The following CEP135 variants were observed in gnomAD, a reference collection of about 807,000 sequenced individuals.
CEP135 encodes the protein centrosomal protein of 135 kDa.
In CEP135, 142 loss-of-function variants were observed where a neutral mutation model predicts 157.3. The ratio of observed to expected loss-of-function variants is 0.90; its 90% CI spans 0.79 to 1.04. The LOEUF is 1.04. CEP135 is among the 50% of genes least tolerant of loss of function. The probability of loss-of-function intolerance (pLI) is 0.00; values close to 1 mark genes in which losing one functional copy is unlikely to be tolerated. For missense variants in CEP135, 1,317 were observed against 1,309.2 expected, an observed-to-expected ratio of 1.01 and a Z score of -0.09; for synonymous variants, 396 against 439.8, an observed-to-expected ratio of 0.90 and a Z score of 1.25.
At chr4:55,952,429 C>T in intron 2 of CEP135, 186 bp downstream of exon 2, 1 of 529,300 alleles carries the variant, frequency 1.9e-6, no homozygotes, top group Non-Finnish European at 3.4e-6. Context: ...AAGGCCACCA[C>T]TCACGCTGTA....
chr4:56,026,536 G>A (rs1731165150), intron 25 of CEP135, among the ~76,000 whole-genome samples: 2 of 152,266 alleles, frequency 1.3e-5, no homozygotes, highest in African/African-American at 4.8e-5. Flanking sequence ...TTGTTGCTGT[G>A]TATGGAATGC....
In CEP135 at chr4:56,031,720, C is replaced by T. The variant is rs1164124214; in HGVS notation, c.*372C>T. 6.6e-6 allele frequency: 1 copy of T among 151,938 alleles called. No homozygotes were observed. The highest frequency in any genetic ancestry group is 2.4e-5 in the African/African-American group (1 of 41,382). The allele number at this position is 151,938 out of a possible 1,614,324, so 9.4% of individuals were successfully genotyped here. A position where few individuals can be genotyped will look rare whatever the true frequency, so the allele number is the denominator to read the frequency against. On this transcript the variant is annotated 3_prime_UTR_variant, in exon 26 of 26. Transcript: ENST00000257287. ...GCCATGATATGTGTATGTAAATATT[C>T]TTACAGTACTTGTTTTTAGTTGTCA...
chr4:55,980,165 A>G lies in CEP135; in HGVS notation c.1496A>G (p.His499Arg), dbSNP rs1460943425. The G allele has an allele frequency of 6.2e-7, 1 of 1,609,390 alleles. No individual in the cohort carries two copies. Among genetic ancestry groups the G allele is most frequent in the Non-Finnish European group, 8.5e-7 (1 of 1,178,158 alleles). Reference sequence around the variant, plus strand: ...CAGGGTGATTACAATTCAGAAATTCATCAGATCACAAGAGAAAGAGATGAA... The same window carrying G: ...CAGGGTGATTACAATTCAGAAATTCGTCAGATCACAAGAGAAAGAGATGAA... ...PEKGDYNSEI[H>R]QITRERDELQ... Residue 499 changes from histidine (H) to arginine (R), a missense_variant, in exon 12 of 26, where the codon CAT (histidine) becomes CGT (arginine). His to Arg is a conservative substitution (Grantham distance 29). Coordinates refer to ENST00000257287, the MANE Select transcript of CEP135 (RefSeq NM_025009.5).
chr4:56,025,280 T>C (rs35856649), intron 25 of CEP135, among the ~76,000 whole-genome samples: 3 of 152,188 alleles, frequency 2.0e-5, no homozygotes, highest in African/African-American at 7.2e-5. Context: ...CATTTTATCG[T>C]ATATAAATTA....
At chr4:55,960,601 G>A (rs1190142832) in intron 6 of CEP135, 1 of 152,122 alleles carries the variant, frequency 6.6e-6, no homozygotes, top group Non-Finnish European at 1.5e-5. Context: ...TCTTTAAAGT[G>A]TTTTGAAGAT....
chr4:55,963,222 C>T (rs1016131670), intron 6 of CEP135, among the ~76,000 whole-genome samples: 3 of 152,136 alleles, frequency 2.0e-5, no homozygotes, highest in African/African-American at 4.8e-5. Context: ...GTTTCTTATG[C>T]ATTTCTGCAT....
In CEP135 at chr4:55,968,796, A is replaced by G. The variant is rs188004877; in HGVS notation, c.1045-267A>G. Among the ~76,000 whole-genome samples the G allele has an allele frequency of 5.3e-4, 80 of 152,286 alleles. 1 individual carries two copies. The South Asian group carries it at 9.5e-3, about 18-fold the overall frequency. Reference sequence around the variant, plus strand: ...AATGACAGTGCCATAGAATTACCCCAAAATTTAAGGCCCAAGGAAGATCCT... The same window carrying G: ...AATGACAGTGCCATAGAATTACCCCGAAATTTAAGGCCCAAGGAAGATCCT... On this transcript the variant is annotated intron_variant, in intron 8 of 25. Transcript: ENST00000257287.
chr4:55,982,102 C>T (rs971720841), intron 13 of CEP135, among the ~76,000 whole-genome samples: 2 of 152,110 alleles, frequency 1.3e-5, no homozygotes, highest in Non-Finnish European at 2.9e-5. Context: ...AGCACATTAG[C>T]GTCACTCCCC....
chr4:55,978,189 T>TAA (rs1729286429), intron 11 of CEP135, among the ~76,000 whole-genome samples: 1 of 152,154 alleles, frequency 6.6e-6, no homozygotes, highest in Non-Finnish European at 1.5e-5. Flanking sequence ...TTTTACTGGG[T>TAA]AAACTCATGT....
intron 15 of CEP135, among the ~76,000 whole-genome samples, chr4:55,993,348 G>C (rs373242418): frequency 6.6e-6 from 1 of 152,170 alleles, no homozygotes; most frequent in East Asian, 1.9e-4. Flanking sequence ...AGTTCATAAG[G>C]GTTCTCTGAT....
rs766370342 is a variant in CEP135 at position 56,011,472 on chromosome 4, C to G, written c.2566C>G (p.His856Asp). The G allele has an allele frequency of 4.3e-6, 7 of 1,611,380 alleles. No individual in the cohort carries two copies. The highest frequency in any genetic ancestry group is 5.9e-6 in the Non-Finnish European group (7 of 1,179,330). Residue 856 changes from histidine (H) to aspartate (D), a missense_variant, in exon 20 of 26, where the codon CAT (histidine) becomes GAT (aspartate). Physicochemically the swap from His to Asp is moderately conservative, Grantham distance 81. Coordinates refer to ENST00000257287, the MANE Select transcript of CEP135 (RefSeq NM_025009.5). Reference sequence around the variant, plus strand: ...AAAAGAAGAAATGAAGAGCAGAGTTCATAAATACATAACAGAGGTGTCACG... The same window carrying G: ...AAAAGAAGAAATGAAGAGCAGAGTTGATAAATACATAACAGAGGTGTCACG... ...QEKEEMKSRV[H>D]KYITEVSRWE...
Position 56,017,656 on chromosome 4 carries a change from T to G in CEP135, c.2811T>G (p.Asn937Lys), listed in dbSNP as rs1350843806. Residue 937 changes from asparagine (N) to lysine (K), a missense_variant, in exon 22 of 26, where the codon AAT becomes AAG. Coordinates refer to ENST00000257287, the MANE Select transcript of CEP135 (RefSeq NM_025009.5). ...TCTTTTTCTTTTTTCAGCACATAAA[T>G]GCCCATCATGCTTATGAATCTCAGA... ...LLEKEIQEHI[N>K]AHHAYESQIS... The G allele has an allele frequency of 1.3e-6, 2 of 1,597,442 alleles. No homozygotes were observed. The highest frequency in any genetic ancestry group is 2.7e-5 in the African/African-American group (2 of 74,302).
intron 11 of CEP135, among the ~76,000 whole-genome samples, chr4:55,976,131 C>T (rs142974461): frequency 6.6e-6 from 1 of 151,634 alleles, no homozygotes; most frequent in East Asian, 1.9e-4. Flanking sequence ...GCATGCACCT[C>T]TCGTACCACC....
rs372341013 is a variant in CEP135, at chr4:55,999,585, G to T, written c.2220G>T (p.Gln740His). ...TTGATAAAGAAAAAGACTTTCTCCA[G>T]GAGACTGTAGATGAGAAGACAGAAA... ...GVIDKEKDFL[Q>H]ETVDEKTEKI... Residue 740 changes from glutamine to histidine, a missense_variant, in exon 17 of 26, where the codon CAG (glutamine) becomes CAT (histidine). Coordinates refer to ENST00000257287, the MANE Select transcript of CEP135 (RefSeq NM_025009.5). The T allele has an allele frequency of 1.1e-4, 180 of 1,610,048 alleles. 1 individual carries two copies. Among genetic ancestry groups the T allele is most frequent in the Non-Finnish European group, 1.5e-4 (178 of 1,179,284 alleles).
intron 24 of CEP135, among the ~76,000 whole-genome samples, chr4:56,024,049 AAT>A (rs1260681058): frequency 3.5e-5 from 5 of 142,288 alleles, no homozygotes; most frequent in Admixed American, 2.1e-4. Context: ...TATATTTTAT[AAT>A]ATATGTTACA....
In CEP135 at chr4:55,951,628, T is replaced by G. The variant is rs540331303; in HGVS notation, c.-45-458T>G. Among the ~76,000 whole-genome samples, 15 of 152,340 alleles carry G rather than the reference T, an allele frequency of 9.8e-5. 1 individual carries two copies. Among genetic ancestry groups the G allele is most frequent in the Middle Eastern group, 3.4e-3 (1 of 292 alleles). On this transcript the variant is annotated intron_variant, in intron 1 of 25. Transcript: ENST00000257287. ...TTGTCTTATTATTGAGTTGTAAGAA[T>G]TCCTTTTATATTCCCTATACAAATC...
At chr4:55,998,630 C>T (rs565695734) in intron 15 of CEP135, among the ~76,000 whole-genome samples, 3 of 152,158 alleles carry the variant, frequency 2.0e-5, no homozygotes, top group East Asian at 3.9e-4. Context: ...TTTGGGAGAC[C>T]GAGGCAGATG....
Position 55,955,999 on chromosome 4 carries a change from A to G in CEP135, c.473-1224A>G, listed in dbSNP as rs149284170. ...TGTAGACTGGGAAGAGAGGAGACCC[A>G]GAGTCAGATGTGAGGGAAATTGGTA... On this transcript the variant is annotated intron_variant, in intron 4 of 25. Coordinates refer to ENST00000257287, the MANE Select transcript of CEP135 (RefSeq NM_025009.5). Among the ~76,000 whole-genome samples the G allele has an allele frequency of 2.7e-3, 416 of 152,288 alleles. 5 individuals are homozygous for G. Among genetic ancestry groups the G allele is most frequent in the Middle Eastern group, 0.014 (4 of 294 alleles).
intron 8 of CEP135, chr4:55,966,584 A>C (rs914067598): frequency 5.9e-5 from 9 of 152,408 alleles, no homozygotes; most frequent in Admixed American, 4.6e-4. Context: ...CCTCAGGCTC[A>C]AGCAATCCTC....
Sources: allele counts gnomAD v4.1 joint callset (sites outside exome capture counted in the v4.1 genomes callset), GRCh38; gene constraint gnomAD v4.1.1; transcripts MANE v1.5; gene names NCBI Gene and HGNC (gene_info 2026-07-23, HGNC 2026-07-21).